Variants in RARB observed in about 807,000 individuals in gnomAD.
RARB encodes the protein HBV-activated protein.
A neutral mutation model predicts 51.9 loss-of-function variants in RARB; 17 were observed. That is an observed-to-expected ratio of 0.33 (90% CI 0.22 to 0.49). The LOEUF is 0.49. Ranked by LOEUF, RARB falls within the 20% of genes least tolerant of loss-of-function variation. The pLI, the probability that RARB is intolerant of heterozygous loss-of-function variation, is 0.99. For synonymous variants in RARB, 215 were observed against 195.4 expected (o/e 1.10, Z -0.84); for missense variants, 369 against 550.8 (o/e 0.67, Z 3.30).
intron 5 of RARB, among the ~76,000 whole-genome samples, chr3:25,240,715 C>T (rs1250483364): frequency 6.6e-6 from 1 of 152,086 alleles, no homozygotes; most frequent in Non-Finnish European, 1.5e-5. Flanking sequence ...TTTTGATGTG[C>T]TGTTGAATTC....
chr3:25,379,301 G>T (rs1706557673), intron 5 of RARB, among the ~76,000 whole-genome samples: 2 of 152,126 alleles, frequency 1.3e-5, no homozygotes, highest in Non-Finnish European at 2.9e-5. Flanking sequence ...GCTAGAGTAG[G>T]AGGTGAGGAG....
intron 5 of RARB, among the ~76,000 whole-genome samples, chr3:25,351,424 G>A (rs531650516): frequency 4.6e-5 from 7 of 152,058 alleles, no homozygotes; most frequent in East Asian, 1.9e-4. Context: ...CAGAAAAATC[G>A]GATTTTCTTA....
At chr3:25,593,082 A>G (rs1459776021) in intron 5 of RARB, among the ~76,000 whole-genome samples, 1 of 152,238 alleles carries the variant, frequency 6.6e-6, no homozygotes, top group Non-Finnish European at 1.5e-5. Flanking sequence ...TAGGGTATGT[A>G]CAAAACTTGA....
At chr3:24,884,093 C>A (rs1392759733) in intron 2 of RARB, among the ~76,000 whole-genome samples, 1 of 152,096 alleles carries the variant, frequency 6.6e-6, no homozygotes, top group African/African-American at 2.4e-5. Context: ...CAGCAAGCCA[C>A]ATAAAACACT....
Position 25,365,569 on chromosome 3 carries a change from G to T in RARB, c.179-95624G>T, listed in dbSNP as rs139759331. ...TTAGGAATTTGAGCAGGGCACAACA[G>T]AAATGGCTTATCTCTGCTCCACAAT... On this transcript the variant is annotated intron_variant, in intron 5 of 11. Transcript: ENST00000383772. Among the ~76,000 whole-genome samples, 333 of 152,218 alleles carry T rather than the reference G, an allele frequency of 2.2e-3. 2 individuals are homozygous for T. Among genetic ancestry groups the T allele is most frequent in the African/African-American group, 7.8e-3 (323 of 41,540 alleles).
intron 5 of RARB, among the ~76,000 whole-genome samples, chr3:25,236,414 C>T (rs927709631): frequency 3.9e-5 from 6 of 152,104 alleles, no homozygotes; most frequent in African/African-American, 1.4e-4. Context: ...GCCACATATT[C>T]ACTCTGCTGA....
At chr3:24,922,658 G>C (rs1216344744) in intron 2 of RARB, among the ~76,000 whole-genome samples, 1 of 152,188 alleles carries the variant, frequency 6.6e-6, no homozygotes, top group African/African-American at 2.4e-5. Flanking sequence ...GTAGAAAAAA[G>C]AGAAGTGTAG....
chr3:25,257,062 T>C (rs1330042321), intron 5 of RARB, among the ~76,000 whole-genome samples: 1 of 152,140 alleles, frequency 6.6e-6, no homozygotes, highest in East Asian at 1.9e-4. Flanking sequence ...CTCATCAATG[T>C]AGAGTTATGC....
chr3:24,949,045 A>G (rs893423776), intron 2 of RARB, among the ~76,000 whole-genome samples: 5 of 152,182 alleles, frequency 3.3e-5, no homozygotes, highest in Admixed American at 3.3e-4. Flanking sequence ...GGCAAGGTCA[A>G]AGGACATATT....
At chr3:25,522,803 G>T (rs976820717) in intron 3 of RARB, among the ~76,000 whole-genome samples, 1 of 152,104 alleles carries the variant, frequency 6.6e-6, no homozygotes, top group South Asian at 2.1e-4. Flanking sequence ...CACACCTGAG[G>T]TATATTTTGA....
chr3:24,895,913 C>T (rs989214246), intron 2 of RARB, among the ~76,000 whole-genome samples: 1 of 152,112 alleles, frequency 6.6e-6, no homozygotes, highest in African/African-American at 2.4e-5. Context: ...TTTGTACACT[C>T]TTGTTTATTG....
At chr3:25,553,050 C>CTA (rs1189513426) in intron 3 of RARB, among the ~76,000 whole-genome samples, 4 of 151,970 alleles carry the variant, frequency 2.6e-5, no homozygotes, top group African/African-American at 9.7e-5. Flanking sequence ...GACGGGCAAA[C>CTA]TATAATTCAC....
intron 2 of RARB, among the ~76,000 whole-genome samples, chr3:24,898,093 A>G (rs1703517462): frequency 6.6e-6 from 1 of 152,152 alleles, no homozygotes; most frequent in Non-Finnish European, 1.5e-5. Flanking sequence ...ACTTCAGGAT[A>G]GAAAGGCCAT....
chr3:24,993,623 G>T (rs1411817211), intron 2 of RARB, among the ~76,000 whole-genome samples: 1 of 152,050 alleles, frequency 6.6e-6, no homozygotes, highest in Non-Finnish European at 1.5e-5. Context: ...CTATTTAGCT[G>T]TAATTTTATA....
chr3:25,134,925 G>T (rs1204349403), intron 4 of RARB, among the ~76,000 whole-genome samples: 2 of 151,898 alleles, frequency 1.3e-5, no homozygotes. Flanking sequence ...TGTGTTCCAT[G>T]AATTTCAAAG....
At chr3:25,369,218 A>T (rs2125470584) in intron 5 of RARB, among the ~76,000 whole-genome samples, 1 of 152,346 alleles carries the variant, frequency 6.6e-6, no homozygotes, top group East Asian at 1.9e-4. Flanking sequence ...TCAATAAATA[A>T]GTATTTTTGA....
intron 3 of RARB, among the ~76,000 whole-genome samples, chr3:25,564,435 C>T (rs773583986): frequency 6.6e-6 from 1 of 152,186 alleles, no homozygotes; most frequent in Non-Finnish European, 1.5e-5. Flanking sequence ...CTGAATGCCC[C>T]ACCTGCTTCA....
chr3:25,386,058 C>T (rs1026096618), intron 5 of RARB, among the ~76,000 whole-genome samples: 1 of 152,168 alleles, frequency 6.6e-6, no homozygotes, highest in African/African-American at 2.4e-5. Context: ...AGCTGAGTTT[C>T]TGTCCCTTGT....
chr3:25,261,347 T>C (rs577923411), intron 5 of RARB, among the ~76,000 whole-genome samples: 2 of 152,174 alleles, frequency 1.3e-5, no homozygotes, highest in South Asian at 2.1e-4. Context: ...TAGAACACCA[T>C]ACTTACTAGT....
Sources: gnomAD v4.1 joint callset for allele counts (sites outside exome capture counted in the v4.1 genomes callset) on GRCh38, gnomAD v4.1.1 for gene constraint, MANE v1.5 for transcripts, NCBI Gene and HGNC (gene_info 2026-07-23, HGNC 2026-07-21) for gene names.